The following NRXN3 variants were observed in gnomAD, a reference collection of about 807,000 sequenced individuals.
NRXN3 encodes neurexin 3, also known as neurexin III.
NRXN3 carries 32 observed loss-of-function variants against 137.6 expected under a neutral mutation model. The observed-to-expected ratio is 0.23, with a 90% CI of 0.18 to 0.31. The LOEUF is 0.31. NRXN3 is among the 10% of genes least tolerant of loss of function. The pLI is 1.00. For synonymous variants in NRXN3, 798 were observed against 784.5 expected (o/e 1.02, Z -0.29); for missense variants, 1,574 against 2,062.5 (o/e 0.76, Z 4.59).
intron 1 of NRXN3, among the ~76,000 whole-genome samples, chr14:78,191,518 AC>A (rs1362590141): frequency 6.6e-6 from 1 of 151,964 alleles, no homozygotes; most frequent in Non-Finnish European, 1.5e-5. Context: ...CCCAGGGAGG[AC>A]CCCTGCAGGC....
intron 4 of NRXN3, among the ~76,000 whole-genome samples, chr14:78,602,820 A>T (rs937892527): frequency 3.9e-5 from 6 of 152,194 alleles, no homozygotes; most frequent in Non-Finnish European, 7.3e-5. Flanking sequence ...GCTGTGTCTC[A>T]TAAATCCACT....
intron 16 of NRXN3, among the ~76,000 whole-genome samples, chr14:79,650,930 C>T (rs2153971514): frequency 6.6e-6 from 1 of 152,116 alleles, no homozygotes; most frequent in South Asian, 2.1e-4. Context: ...GGGATTGAGC[C>T]CTACACTGAC....
intron 19 of NRXN3, among the ~76,000 whole-genome samples, chr14:79,762,716 G>A (rs1161295207): frequency 1.3e-5 from 2 of 151,474 alleles, no homozygotes; most frequent in African/African-American, 2.5e-5. Flanking sequence ...TATTGGTTTC[G>A]TGCGATGCCT....
chr14:79,009,589 C>A lies in NRXN3; in HGVS notation c.3262+21448C>A, dbSNP rs576750988. On this transcript the variant is annotated intron_variant, in intron 15 of 20. Transcript: ENST00000335750. ...CAGAATATACAGAGCAAGGATCATC[C>A]ATCATAATCAGACAGGGGTATTTCA... is the stretch of plus-strand genomic sequence containing the variant. Among the ~76,000 whole-genome samples, 270 of 152,246 alleles carry A rather than the reference C, an allele frequency of 1.8e-3. 1 individual carries two copies. Among genetic ancestry groups the A allele is most frequent in the Non-Finnish European group, 2.7e-3 (186 of 68,006 alleles).
intron 15 of NRXN3, among the ~76,000 whole-genome samples, chr14:79,122,981 A>G (rs1481392696): frequency 6.6e-6 from 1 of 152,244 alleles, no homozygotes; most frequent in East Asian, 1.9e-4. Flanking sequence ...TCATGAAAGT[A>G]ATGAAAATAT....
chr14:79,161,915 C>T (rs1472839259), intron 15 of NRXN3, among the ~76,000 whole-genome samples: 1 of 151,624 alleles, frequency 6.6e-6, no homozygotes, highest in Non-Finnish European at 1.5e-5. Flanking sequence ...TAGCAAAATA[C>T]GAGTAGAAAC....
At position 79,846,625 on chromosome 14, in the gene NRXN3, T is replaced by C. The variant is rs1386882711; in HGVS notation, c.4094-14717T>C. On this transcript the variant is annotated intron_variant, in intron 20 of 20. Coordinates refer to ENST00000335750, the MANE Select transcript of NRXN3 (RefSeq NM_001330195.2). Reference sequence around the variant, plus strand: ...TTTAAATTAATCTTTTTTCCTTACATTCAGATAAGCTTTAATGTGTACTAA... The same window carrying C: ...TTTAAATTAATCTTTTTTCCTTACACTCAGATAAGCTTTAATGTGTACTAA... 2.6e-5 allele frequency among the ~76,000 whole-genome samples: 4 copies of C among 152,208 alleles called. No homozygotes were observed. In the East Asian group the frequency reaches 7.7e-4, roughly 29 times the overall value.
chr14:79,199,600 C>T (rs2065654362), intron 15 of NRXN3, among the ~76,000 whole-genome samples: 2 of 152,002 alleles, frequency 1.3e-5, no homozygotes, highest in African/African-American at 4.8e-5. Context: ...AGCAAGTGAC[C>T]ATTTAAGGTG....
intron 15 of NRXN3, among the ~76,000 whole-genome samples, chr14:79,322,777 C>G (rs2090242927): frequency 6.6e-6 from 1 of 152,142 alleles, no homozygotes. Flanking sequence ...GGAACATCAG[C>G]TAATGAGAGA....
At chr14:79,016,769 C>A (rs2099579926) in intron 15 of NRXN3, among the ~76,000 whole-genome samples, 1 of 152,178 alleles carries the variant, frequency 6.6e-6, no homozygotes, top group Non-Finnish European at 1.5e-5. Flanking sequence ...AATAGCATTT[C>A]TTCTTACTCG....
intron 15 of NRXN3, among the ~76,000 whole-genome samples, chr14:79,427,554 T>C (rs2095673478): frequency 6.6e-6 from 1 of 152,176 alleles, no homozygotes; most frequent in African/African-American, 2.4e-5. Flanking sequence ...GGCTCACGCC[T>C]GTAATCCCAG....
intron 4 of NRXN3, among the ~76,000 whole-genome samples, chr14:78,464,697 C>T (rs2095044544): frequency 6.6e-6 from 1 of 152,222 alleles, no homozygotes; most frequent in Admixed American, 6.5e-5. Flanking sequence ...ATTATCTCCT[C>T]TGAGTTCCAT....
intron 10 of NRXN3, among the ~76,000 whole-genome samples, chr14:78,858,640 C>A (rs1406233238): frequency 1.3e-5 from 2 of 152,180 alleles, no homozygotes; most frequent in South Asian, 4.1e-4. Flanking sequence ...TACTCTGTCT[C>A]ACCCTGACAT....
intron 4 of NRXN3, among the ~76,000 whole-genome samples, chr14:78,450,435 T>A (rs1178001496): frequency 6.6e-6 from 1 of 152,210 alleles, no homozygotes; most frequent in Non-Finnish European, 1.5e-5. Context: ...GGGCAGGAAC[T>A]GTGCTCCAGT....
intron 4 of NRXN3, among the ~76,000 whole-genome samples, chr14:78,550,003 A>G (rs1011194300): frequency 1.3e-5 from 2 of 151,112 alleles, no homozygotes; most frequent in African/African-American, 2.4e-5. Flanking sequence ...CTTTTCCTAG[A>G]GGAGGAGACA....
intron 4 of NRXN3, among the ~76,000 whole-genome samples, chr14:78,484,338 C>T (rs1313871023): frequency 1.3e-5 from 2 of 152,164 alleles, no homozygotes; most frequent in African/African-American, 4.8e-5. Context: ...GCCTACTACC[C>T]TTTTGAGAGG....
At chr14:78,878,220 A>G (rs1321196816) in intron 10 of NRXN3, among the ~76,000 whole-genome samples, 1 of 152,154 alleles carries the variant, frequency 6.6e-6, no homozygotes, top group Non-Finnish European at 1.5e-5. Flanking sequence ...TAAATATACA[A>G]AAGTACACTG....
At chr14:78,330,312 A>C (rs2080646334) in intron 4 of NRXN3, among the ~76,000 whole-genome samples, 1 of 152,074 alleles carries the variant, frequency 6.6e-6, no homozygotes, top group Non-Finnish European at 1.5e-5. Flanking sequence ...AATGTGCCTT[A>C]TGAGTTAAAC....
intron 19 of NRXN3, among the ~76,000 whole-genome samples, chr14:79,793,670 G>T (rs1001617141): frequency 2.0e-5 from 3 of 152,166 alleles, no homozygotes; most frequent in Non-Finnish European, 2.9e-5. Flanking sequence ...TGTTAAAAGT[G>T]CTAGAATAGA....
Sources: gnomAD v4.1 joint callset for allele counts (sites outside exome capture counted in the v4.1 genomes callset) on GRCh38, gnomAD v4.1.1 for gene constraint, MANE v1.5 for transcripts, NCBI Gene and HGNC (gene_info 2026-07-23, HGNC 2026-07-21) for gene names.